The following LRRC4C variants were observed in gnomAD, a reference collection of about 807,000 sequenced individuals.
LRRC4C encodes leucine rich repeat containing 4C, also known as leucine-rich repeat-containing protein 4C.
Under a neutral mutation model 33.6 loss-of-function variants are expected in LRRC4C, and 5 were observed. The observed-to-expected ratio is 0.15, with a 90% CI of 0.08 to 0.31. LRRC4C has a LOEUF of 0.31. Among genes scored for constraint, LRRC4C ranks in the 10% least tolerant of loss-of-function variants. The pLI is 1.00. For missense variants in LRRC4C, 560 were observed against 796.7 expected (o/e 0.70, Z 3.58); for synonymous variants, 329 against 302.0 (o/e 1.09, Z -0.93).
intron 3 of LRRC4C, among the ~76,000 whole-genome samples, chr11:40,496,021 G>A (rs1365734175): frequency 6.6e-6 from 1 of 151,474 alleles, no homozygotes; most frequent in Admixed American, 6.6e-5. Flanking sequence ...GTAGAGACGT[G>A]GTTTCACCTG....
chr11:41,216,305 G>T (rs4082452), intron 1 of LRRC4C, among the ~76,000 whole-genome samples: 2 of 152,012 alleles, frequency 1.3e-5, no homozygotes, highest in African/African-American at 4.8e-5. Flanking sequence ...TGAAATGACC[G>T]CTATGCAATC....
intron 1 of LRRC4C, among the ~76,000 whole-genome samples, chr11:41,083,971 G>A (rs1038167041): frequency 3.9e-5 from 6 of 152,168 alleles, no homozygotes; most frequent in Non-Finnish European, 8.8e-5. Context: ...TCACAGAGAC[G>A]ATGTCTCCTT....
intron 3 of LRRC4C, among the ~76,000 whole-genome samples, chr11:40,416,072 TAAC>T (rs1263361084): frequency 2.0e-5 from 3 of 152,102 alleles, no homozygotes; most frequent in East Asian, 1.9e-4. Context: ...CAACAATAAA[TAAC>T]AACAACAGCA....
intron 1 of LRRC4C, among the ~76,000 whole-genome samples, chr11:41,238,400 TACTA>T (rs147630117): frequency 5.3e-5 from 8 of 152,330 alleles, no homozygotes; most frequent in Non-Finnish European, 1.0e-4. Flanking sequence ...TTATAATTGA[TACTA>T]ACTCATTCCA....
At chr11:40,291,916 G>A (rs866805640) in intron 4 of LRRC4C, among the ~76,000 whole-genome samples, 1 of 151,476 alleles carries the variant, frequency 6.6e-6, no homozygotes, top group African/African-American at 2.4e-5. Flanking sequence ...ACACTGCAGC[G>A]GCTTTCTTGG....
intron 1 of LRRC4C, among the ~76,000 whole-genome samples, chr11:41,272,012 A>G (rs1224760900): frequency 1.3e-5 from 2 of 152,158 alleles, no homozygotes; most frequent in Non-Finnish European, 2.9e-5. Flanking sequence ...AAGTCACATA[A>G]AAAAGAAAAC....
intron 1 of LRRC4C, among the ~76,000 whole-genome samples, chr11:41,151,375 A>G (rs1943991169): frequency 6.6e-6 from 1 of 152,224 alleles, no homozygotes; most frequent in Non-Finnish European, 1.5e-5. Flanking sequence ...AAGGTGATAG[A>G]GAAATATCTT....
chr11:40,453,236 C>A lies in LRRC4C; in HGVS notation c.-269-133515G>T, dbSNP rs1306218299. Among the ~76,000 whole-genome samples the A allele has an allele frequency of 2.6e-5, 4 of 151,780 alleles. 1 individual carries two copies. Among genetic ancestry groups the A allele is most frequent in the South Asian group, 4.2e-4 (2 of 4,818 alleles). On this transcript the variant is annotated intron_variant, in intron 3 of 6. Coordinates refer to ENST00000528697, the MANE Select transcript of LRRC4C (RefSeq NM_001258419.2). ...AAACTTGCCATGGAGCCAGCATGGG[C>A]AAATAATTTAACTTTTCTGAGTTTC...
chr11:40,964,252 G>C (rs1277337238), intron 1 of LRRC4C, among the ~76,000 whole-genome samples: 2 of 151,588 alleles, frequency 1.3e-5, no homozygotes, highest in Non-Finnish European at 3.0e-5. Flanking sequence ...ATTTATATCA[G>C]ACATCACGCT....
At chr11:40,273,961 T>A (rs1184564495) in intron 4 of LRRC4C, among the ~76,000 whole-genome samples, 1 of 151,966 alleles carries the variant, frequency 6.6e-6, no homozygotes, top group Admixed American at 6.6e-5. Context: ...CCCCACGAGG[T>A]AGGGGGCAGG....
At chr11:40,710,445 G>T (rs879190894) in intron 2 of LRRC4C, among the ~76,000 whole-genome samples, 1 of 152,148 alleles carries the variant, frequency 6.6e-6, no homozygotes, top group African/African-American at 2.4e-5. Flanking sequence ...CTAACAGTCA[G>T]GTCCCTCAGC....
chr11:40,948,973 C>A (rs528673784), intron 1 of LRRC4C, among the ~76,000 whole-genome samples: 1 of 152,092 alleles, frequency 6.6e-6, no homozygotes, highest in African/African-American at 2.4e-5. Flanking sequence ...AACTAGTTTA[C>A]AGTCCCACCA....
At chr11:40,526,349 C>G (rs891449590) in intron 3 of LRRC4C, among the ~76,000 whole-genome samples, 3 of 151,962 alleles carry the variant, frequency 2.0e-5, no homozygotes, top group Non-Finnish European at 4.4e-5. Context: ...ATACTCACAA[C>G]CAGCATACAT....
intron 3 of LRRC4C, among the ~76,000 whole-genome samples, chr11:40,570,480 T>A (rs1957939856): frequency 6.6e-6 from 1 of 152,182 alleles, no homozygotes. Flanking sequence ...CTGGCTGCTT[T>A]TAGACTATGT....
chr11:40,696,355 G>T (rs1945531167), intron 2 of LRRC4C, among the ~76,000 whole-genome samples: 1 of 139,314 alleles, frequency 7.2e-6, no homozygotes, highest in South Asian at 2.2e-4. Flanking sequence ...ATATATATGT[G>T]GTATATATAT....
intron 1 of LRRC4C, among the ~76,000 whole-genome samples, chr11:41,198,634 G>T (rs931417647): frequency 2.7e-5 from 4 of 150,356 alleles, no homozygotes; most frequent in African/African-American, 9.7e-5. Flanking sequence ...GGAAAAAAAA[G>T]TATGGAGGGA....
At chr11:40,308,751 C>T (rs546832130) in intron 4 of LRRC4C, among the ~76,000 whole-genome samples, 2 of 152,228 alleles carry the variant, frequency 1.3e-5, no homozygotes, top group African/African-American at 2.4e-5. Flanking sequence ...CCACCACATA[C>T]GAAAGCCAGC....
At chr11:40,901,035 G>A (rs1196538997) in intron 2 of LRRC4C, among the ~76,000 whole-genome samples, 2 of 151,972 alleles carry the variant, frequency 1.3e-5, no homozygotes, top group African/African-American at 4.8e-5. Flanking sequence ...CTTTGTATGA[G>A]GACGTTCTTT....
intron 1 of LRRC4C, among the ~76,000 whole-genome samples, chr11:41,428,813 T>C (rs1410775568): frequency 6.6e-6 from 1 of 152,144 alleles, no homozygotes; most frequent in Non-Finnish European, 1.5e-5. Context: ...CACTAGCTTG[T>C]AGTCTAATTG....
Sources: gnomAD v4.1 joint callset for allele counts (sites outside exome capture counted in the v4.1 genomes callset) on GRCh38, gnomAD v4.1.1 for gene constraint, MANE v1.5 for transcripts, NCBI Gene and HGNC (gene_info 2026-07-23, HGNC 2026-07-21) for gene names.